Variants in NWD1 observed in about 807,000 individuals in gnomAD.
NWD1 encodes NACHT and WD repeat domain containing 1.
NWD1 carries 129 observed loss-of-function variants against 135.1 expected under a neutral mutation model. The observed-to-expected ratio is 0.96, with a 90% confidence interval of 0.83 to 1.11. NWD1 has a LOEUF of 1.11. NWD1 is among the 50% of genes least tolerant of loss of function. NWD1 has a pLI of 0.00. For missense variants in NWD1, 1,740 were observed against 1,851.3 expected (o/e 0.94, Z 1.10); for synonymous variants, 773 against 786.0 (o/e 0.98, Z 0.28).
At chr19:16,740,626 C>T (rs906985650) in intron 4 of NWD1, among the ~76,000 whole-genome samples, 5 of 150,604 alleles carry the variant, frequency 3.3e-5, no homozygotes, top group African/African-American at 1.2e-4. Context: ...GCGTGAGCCA[C>T]TGCGCCCAGA....
chr19:16,727,966 G>C (rs923797567), intron 2 of NWD1, among the ~76,000 whole-genome samples: 2 of 151,100 alleles, frequency 1.3e-5, no homozygotes, highest in African/African-American at 4.9e-5. Flanking sequence ...AGAGGCTGAG[G>C]CAGGAGAATC....
chr19:16,792,133 T>A (rs1344204308), intron 14 of NWD1, among the ~76,000 whole-genome samples: 2 of 152,124 alleles, frequency 1.3e-5, no homozygotes, highest in Non-Finnish European at 2.9e-5. Context: ...CTTCAGGGGA[T>A]CTCTAAGACA....
chr19:16,791,374 G>A lies in NWD1; in HGVS notation c.2965G>A (p.Ala989Thr). The stretch of plus-strand genomic sequence containing the variant: ...GATCAATGCTTGGAATCTGGAAACT[G>A]CAGAGCCGGTATTCCATATCCTGGG... The part of the protein sequence containing the change: ...SKINAWNLET[A>T]EPVFHILGDA... The change falls in exon 14 of 19, where the codon GCA (alanine) becomes ACA (threonine). Residue 989 changes from alanine (A) to threonine (T), a missense_variant. Ala to Thr is a moderately conservative substitution (Grantham distance 58). Transcript: ENST00000524140. 1 of 1,613,946 alleles carries A rather than the reference G, an allele frequency of 6.2e-7. No individual in the cohort carries two copies. Among genetic ancestry groups the A allele is most frequent in the Non-Finnish European group, 8.5e-7 (1 of 1,179,968 alleles).
At chr19:16,799,632 G>A (rs1382497836) in intron 16 of NWD1, among the ~76,000 whole-genome samples, 9 of 151,952 alleles carry the variant, frequency 5.9e-5, no homozygotes, top group Admixed American at 5.9e-4. Flanking sequence ...TCAGCCTCCT[G>A]AGTAGCTGGG....
At chr19:16,769,325 G>T (rs900536593) in intron 10 of NWD1, among the ~76,000 whole-genome samples, 1 of 151,990 alleles carries the variant, frequency 6.6e-6, no homozygotes, top group African/African-American at 2.4e-5. Context: ...AGCCAGGCAC[G>T]GTAGCACGCA....
rs192129262 is a variant in NWD1 at position 16,796,182 on chromosome 19, C to T, written c.3305-1550C>T. On this transcript the variant is annotated intron_variant, in intron 15 of 18. Coordinates refer to ENST00000524140, the MANE Select transcript of NWD1 (RefSeq NM_001007525.5). ...TATTCAGGCCAGGTGCAGTGGCTCA[C>T]GCCTGTAATTCCAGCACTTTGGGAG... Among the ~76,000 whole-genome samples, 42 of 152,156 alleles carry T rather than the reference C, an allele frequency of 2.8e-4. 1 individual carries two copies. The highest frequency in any genetic ancestry group is 3.4e-3 in the Middle Eastern group (1 of 294).
Position 16,817,119 on chromosome 19 carries a change from G to A in NWD1, c.*2080G>A. 1 of 151,892 alleles carries A rather than the reference G, an allele frequency of 6.6e-6. No individual in the cohort carries two copies. Among genetic ancestry groups the A allele is most frequent in the Non-Finnish European group, 1.5e-5 (1 of 67,974 alleles). The allele number at this position is 151,892 out of a possible 1,614,324, so 9.4% of individuals were successfully genotyped here. On this transcript the variant is annotated 3_prime_UTR_variant, in exon 19 of 19. Coordinates refer to ENST00000524140, the MANE Select transcript of NWD1 (RefSeq NM_001007525.5). ...AGTTTGAGACCAGCCTGGACAACAT[G>A]GTGAAACCCTTCTCTACTAAAAATA...
chr19:16,787,329 A>T (rs1970072407), intron 12 of NWD1, among the ~76,000 whole-genome samples: 2 of 152,094 alleles, frequency 1.3e-5, no homozygotes, highest in Admixed American at 6.6e-5. Flanking sequence ...TGATGAGAGA[A>T]ATCCTATAAT....
intron 2 of NWD1, among the ~76,000 whole-genome samples, chr19:16,724,974 G>A (rs925105444): frequency 1.1e-4 from 16 of 151,162 alleles, no homozygotes; most frequent in African/African-American, 2.4e-5. Context: ...GATTACAGGC[G>A]TGAGCCACTA....
intron 5 of NWD1, among the ~76,000 whole-genome samples, chr19:16,746,367 C>A (rs555017127): frequency 6.7e-6 from 1 of 148,830 alleles, no homozygotes; most frequent in Admixed American, 6.7e-5. Flanking sequence ...ATCAAACAAA[C>A]AAACAAAGAA....
At chr19:16,744,868 T>C in intron 5 of NWD1, 150 bp downstream of exon 5, 1 of 697,498 alleles carries the variant, frequency 1.4e-6, no homozygotes, top group Non-Finnish European at 2.5e-6. Context: ...TGAGAAAGGC[T>C]GTTTTACTGA....
intron 18 of NWD1, among the ~76,000 whole-genome samples, chr19:16,814,251 G>C (rs1374634644): frequency 6.6e-6 from 1 of 152,198 alleles, no homozygotes; most frequent in African/African-American, 2.4e-5. Context: ...AGCAAAAACT[G>C]AGGCTCTGAG....
chr19:16,769,043 A>C (rs1047698411), intron 10 of NWD1, among the ~76,000 whole-genome samples: 1 of 152,160 alleles, frequency 6.6e-6, no homozygotes, highest in African/African-American at 2.4e-5. Flanking sequence ...AGAATCTTGA[A>C]AGCCCAAAAC....
At chr19:16,735,963 CA>C (rs534777742) in intron 3 of NWD1, among the ~76,000 whole-genome samples, 1,782 of 120,604 alleles carry the variant, frequency 0.015, 37 homozygotes, top group African/African-American at 0.046. Context: ...GACTCCAACT[CA>C]AAAAAAAAAA....
intron 1 of NWD1, among the ~76,000 whole-genome samples, chr19:16,721,042 G>A (rs1967116144): frequency 6.6e-6 from 1 of 152,098 alleles, no homozygotes; most frequent in African/African-American, 2.4e-5. Flanking sequence ...TAGAGATGGG[G>A]TTTCGCCATG....
intron 12 of NWD1, among the ~76,000 whole-genome samples, chr19:16,785,452 A>G (rs1970005375): frequency 6.6e-6 from 1 of 151,898 alleles, no homozygotes; most frequent in Non-Finnish European, 1.5e-5. Context: ...GGGAGGTTGC[A>G]GTGAGCCGAG....
chr19:16,773,273 T>C lies in NWD1; in HGVS notation c.2558T>C (p.Leu853Pro). The C allele has an allele frequency of 6.2e-7, 1 of 1,613,394 alleles. No homozygotes were observed. The highest frequency in any genetic ancestry group is 8.5e-7 in the Non-Finnish European group (1 of 1,179,976). Residue 853 changes from leucine to proline, a missense_variant, in exon 11 of 19, where the codon CTC (leucine) becomes CCC (proline). Transcript: ENST00000524140. ...HPVLVPLGGF[L>P]QPPGGPLRAT... ...GTGCTGGTGCCCCTCGGAGGATTCC[T>C]CCAGCCCCCGGGAGGACCCCTCCGG...
intron 2 of NWD1, chr19:16,727,552 G>T (rs1391278871): frequency 6.6e-6 from 1 of 152,632 alleles, no homozygotes; most frequent in Non-Finnish European, 1.5e-5. Flanking sequence ...GTGGGTGGGC[G>T]GCAATGAGCG....
chr19:16,800,195 G>C, intron 17 of NWD1, 33 bp downstream of exon 17: 1 of 1,560,610 alleles, frequency 6.4e-7, no homozygotes. Flanking sequence ...CATTTTTGTG[G>C]GTAAGGCTTG....
Sources: allele counts gnomAD v4.1 joint callset (sites outside exome capture counted in the v4.1 genomes callset), GRCh38; gene constraint gnomAD v4.1.1; transcripts MANE v1.5; gene names NCBI Gene and HGNC (gene_info 2026-07-23, HGNC 2026-07-21).